Variants in NTN1 observed in about 807,000 individuals in gnomAD.
NTN1 encodes the protein netrin 1, also known as netrin-1.
NTN1 carries 11 observed loss-of-function variants against 54.2 expected under a neutral mutation model. The observed-to-expected ratio is 0.20, with a 90% CI of 0.13 to 0.34. NTN1 has a LOEUF of 0.34. Among genes scored for constraint, NTN1 ranks in the 10% least tolerant of loss-of-function variants. The probability of loss-of-function intolerance (pLI) is 1.00; values close to 1 mark genes in which losing one functional copy is unlikely to be tolerated. For missense variants in NTN1, 740 were observed against 893.1 expected (o/e 0.83, Z 2.18); for synonymous variants, 371 against 382.0 (o/e 0.97, Z 0.33).
At chr17:9,110,124 G>A (rs2092184958) in intron 2 of NTN1, among the ~76,000 whole-genome samples, 2 of 152,078 alleles carry the variant, frequency 1.3e-5, no homozygotes, top group South Asian at 4.1e-4. Context: ...ATGCTTAAAC[G>A]AGTGCAGAAT....
intron 2 of NTN1, among the ~76,000 whole-genome samples, chr17:9,117,323 C>T (rs572770598): frequency 1.9e-4 from 29 of 152,262 alleles, no homozygotes; most frequent in African/African-American, 5.3e-4. Flanking sequence ...GGGAAGGGCC[C>T]GGCCTGGGGC....
At chr17:9,062,136 T>C (rs2092000916) in intron 2 of NTN1, among the ~76,000 whole-genome samples, 1 of 152,082 alleles carries the variant, frequency 6.6e-6, no homozygotes, top group Admixed American at 6.5e-5. Context: ...CAGTAGATTT[T>C]TAGTCCCCGA....
chr17:9,115,551 C>G (rs914584871), intron 2 of NTN1, among the ~76,000 whole-genome samples: 2 of 152,234 alleles, frequency 1.3e-5, no homozygotes, highest in African/African-American at 2.4e-5. Flanking sequence ...GATAAATGCT[C>G]TAAACCCTCC....
At chr17:9,170,720 T>G (rs1480495738) in intron 3 of NTN1, among the ~76,000 whole-genome samples, 1 of 152,140 alleles carries the variant, frequency 6.6e-6, no homozygotes, top group East Asian at 1.9e-4. Flanking sequence ...TCTGAGGGAC[T>G]CCTTGACTGG....
At chr17:9,185,062 C>G (rs1249382714) in intron 5 of NTN1, among the ~76,000 whole-genome samples, 1 of 152,222 alleles carries the variant, frequency 6.6e-6, no homozygotes, top group Non-Finnish European at 1.5e-5. Context: ...ATATCTTCCT[C>G]AGAGAGAGGC....
chr17:9,226,163 G>T (rs1439415560), intron 6 of NTN1, among the ~76,000 whole-genome samples: 1 of 142,264 alleles, frequency 7.0e-6, no homozygotes, highest in African/African-American at 2.5e-5. Context: ...ATTTGGGGTC[G>T]GGGGGGGGCC....
chr17:9,013,547 C>A, the NTN1 span, among the ~76,000 whole-genome samples: 1 of 152,080 alleles, frequency 6.6e-6, no homozygotes, highest in Non-Finnish European at 1.5e-5. Context: ...TCACTGATAA[C>A]CTTTCATTCT....
chr17:9,017,124 T>A (rs952294482), upstream of NTN1, among the ~76,000 whole-genome samples: 2 of 152,156 alleles, frequency 1.3e-5, no homozygotes, highest in African/African-American at 4.8e-5. Flanking sequence ...TGGCTCCAGT[T>A]CCTATCAACA....
intron 2 of NTN1, among the ~76,000 whole-genome samples, chr17:9,136,627 CA>C (rs2092282424): frequency 6.6e-6 from 1 of 152,154 alleles, no homozygotes; most frequent in Non-Finnish European, 1.5e-5. Flanking sequence ...CATAGTGTAA[CA>C]AACGCCTGTG....
chr17:9,090,803 G>C (rs1004062796), intron 2 of NTN1, among the ~76,000 whole-genome samples: 1 of 152,170 alleles, frequency 6.6e-6, no homozygotes, highest in East Asian at 1.9e-4. Flanking sequence ...GGGCAGGGAG[G>C]CTGGCAGGGC....
At chr17:9,031,796 C>CAAAA (rs1487401549) in intron 2 of NTN1, among the ~76,000 whole-genome samples, 2 of 151,612 alleles carry the variant, frequency 1.3e-5, no homozygotes, top group Admixed American at 6.6e-5. Context: ...AATACAAAAA[C>CAAAA]AAACAAACAA....
chr17:9,183,303 T>G (rs962624531), intron 5 of NTN1: 1 of 569,892 alleles, frequency 1.8e-6, no homozygotes, highest in African/African-American at 1.9e-5. Context: ...TTCCTGGGGC[T>G]GCAGAGAAGG....
intron 2 of NTN1, among the ~76,000 whole-genome samples, chr17:9,078,962 A>T (rs527483084): frequency 6.6e-6 from 1 of 152,346 alleles, no homozygotes; most frequent in East Asian, 1.9e-4. Flanking sequence ...GAGTGCATAC[A>T]TCTGGAAAGA....
chr17:9,051,785 T>C (rs573359228), intron 2 of NTN1, among the ~76,000 whole-genome samples: 101 of 152,308 alleles, frequency 6.6e-4, no homozygotes, highest in Non-Finnish European at 1.1e-3. Flanking sequence ...CTTTCTAACT[T>C]GTTCATCCTG....
chr17:9,100,102 C>T (rs538139930), intron 2 of NTN1, among the ~76,000 whole-genome samples: 4 of 152,014 alleles, frequency 2.6e-5, no homozygotes, highest in South Asian at 4.2e-4. Context: ...ACATGAGCCA[C>T]CACCCCCAGC....
chr17:9,108,137 A>C (rs1461207833), intron 2 of NTN1, among the ~76,000 whole-genome samples: 1 of 152,236 alleles, frequency 6.6e-6, no homozygotes, highest in Non-Finnish European at 1.5e-5. Flanking sequence ...TCAAGGAGGA[A>C]GGGATTCATG....
intron 6 of NTN1, among the ~76,000 whole-genome samples, chr17:9,228,388 G>A (rs1905672427): frequency 6.6e-6 from 1 of 152,166 alleles, no homozygotes. Context: ...GGAGGCTGGA[G>A]AGAGGCTGGT....
intron 5 of NTN1, among the ~76,000 whole-genome samples, chr17:9,214,410 T>C (rs1905172850): frequency 1.3e-5 from 2 of 152,242 alleles, no homozygotes; most frequent in Admixed American, 1.3e-4. Flanking sequence ...CTTTTTCCAC[T>C]ATAAACATGC....
At chr17:9,231,735 C>G (rs1905823165) in intron 6 of NTN1, among the ~76,000 whole-genome samples, 1 of 123,170 alleles carries the variant, frequency 8.1e-6, no homozygotes, top group Non-Finnish European at 1.9e-5. Context: ...TAATATACAT[C>G]TGCAGGCCTG....
Sources: gnomAD v4.1 joint callset for allele counts (sites outside exome capture counted in the v4.1 genomes callset) on GRCh38, gnomAD v4.1.1 for gene constraint, MANE v1.5 for transcripts, NCBI Gene and HGNC (gene_info 2026-07-23, HGNC 2026-07-21) for gene names.